MYO18A: variants seen among roughly 807,000 people sequenced by gnomAD.
MYO18A encodes unconventional myosin-XVIIIa.
A neutral mutation model predicts 235.8 loss-of-function variants in MYO18A; 78 were observed. The ratio of observed to expected loss-of-function variants is 0.33; its 90% CI spans 0.28 to 0.40. The LOEUF (loss-of-function observed/expected upper bound fraction) is 0.40, where lower values mean the gene tolerates loss of function less well. Ranked by LOEUF, MYO18A falls within the 10% of genes least tolerant of loss-of-function variation. The probability of loss-of-function intolerance (pLI) is 1.00; values close to 1 mark genes in which losing one functional copy is unlikely to be tolerated. For synonymous variants in MYO18A, 977 were observed against 1,077.8 expected (o/e 0.91, Z 1.83); for missense variants, 2,215 against 2,699.3 (o/e 0.82, Z 3.98).
intron 2 of MYO18A, among the ~76,000 whole-genome samples, chr17:29,127,184 A>G (rs2067342227): frequency 6.6e-6 from 1 of 152,178 alleles, no homozygotes; most frequent in African/African-American, 2.4e-5. Flanking sequence ...CCCCCCAAAC[A>G]AAATATTTTT....
Position 29,111,398 on chromosome 17 carries a change from A to C in MYO18A, c.2900+26T>G. ...ATCAAAACAGTCCTGGGTACAGAACAGGGGCGGAGGGAGTGGTGGTCTTAC... is the reference window on the plus strand; with the variant it reads ...ATCAAAACAGTCCTGGGTACAGAACCGGGGCGGAGGGAGTGGTGGTCTTAC... On this transcript the variant is annotated intron_variant, in intron 17 of 41. Coordinates refer to ENST00000527372, the MANE Select transcript of MYO18A (RefSeq NM_078471.4). The surrounding 1 kb of genome is among the most constrained non-coding windows in gnomAD (Gnocchi z 5.1). 1 of 1,608,150 alleles carries C rather than the reference A, an allele frequency of 6.2e-7. No homozygotes were observed. Among genetic ancestry groups the C allele is most frequent in the South Asian group, 1.1e-5 (1 of 89,776 alleles).
chr17:29,114,078 A>C lies in MYO18A; in HGVS notation c.2531T>G (p.Phe844Cys). The C allele has an allele frequency of 1.2e-6, 2 of 1,600,282 alleles. No homozygotes were observed. Among genetic ancestry groups the C allele is most frequent in the Non-Finnish European group, 1.7e-6 (2 of 1,173,758 alleles). The change falls in exon 15 of 42, where the codon TTT (phenylalanine) becomes TGT (cysteine). Residue 844 changes from phenylalanine to cysteine, a missense_variant. Phe to Cys is a radical substitution (Grantham distance 205). Coordinates refer to ENST00000527372, the MANE Select transcript of MYO18A (RefSeq NM_078471.4). ...ATCCGTCGGGGGTTCCAAGTCGTCA[A>C]ACGCCAGCTCGATGTTCTCCTGGGA... ...RYKEENIELA[F>C]DDLEPPTDDS...
chr17:29,113,460 C>T lies in MYO18A; in HGVS notation c.2598+551G>A, dbSNP rs114695978. On this transcript the variant is annotated intron_variant, in intron 15 of 41. Transcript: ENST00000527372. ...TAGCACAAAGGGTGACAAAGCCTGCCCCCAAAGTTGAGGGGTGAGGGTTCA... is the reference window on the plus strand; with the variant it reads ...TAGCACAAAGGGTGACAAAGCCTGCTCCCAAAGTTGAGGGGTGAGGGTTCA... 2.1e-3 allele frequency among the ~76,000 whole-genome samples: 326 copies of T among 152,318 alleles called. 1 individual carries two copies. The highest frequency in any genetic ancestry group is 7.2e-3 in the African/African-American group (298 of 41,560).
chr17:29,093,849 G>A, intron 31 of MYO18A, 131 bp downstream of exon 31: 1 of 671,062 alleles, frequency 1.5e-6, no homozygotes, highest in South Asian at 1.8e-5. Flanking sequence ...AGGATCCCGA[G>A]AGGCGCTTCC....
intron 33 of MYO18A, among the ~76,000 whole-genome samples, 182 bp downstream of exon 33, chr17:29,092,673 C>T (rs895236890): frequency 6.6e-6 from 1 of 152,126 alleles, no homozygotes; most frequent in African/African-American, 2.4e-5. Context: ...CCAGGCTGGG[C>T]GGTGAGACAG....
chr17:29,115,958 C>T, intron 11 of MYO18A, 118 bp from the exon 12 acceptor site: 1 of 1,137,578 alleles, frequency 8.8e-7, no homozygotes, highest in Non-Finnish European at 1.2e-6. Context: ...CCTGATGACA[C>T]CCGATGGGCT....
chr17:29,137,954 A>G (rs2067644062), intron 2 of MYO18A, among the ~76,000 whole-genome samples: 1 of 152,198 alleles, frequency 6.6e-6, no homozygotes. Context: ...GATAATAGCT[A>G]GAAGCATTTG....
chr17:29,098,321 C>G, intron 24 of MYO18A, 35 bp downstream of exon 24: 1 of 1,613,138 alleles, frequency 6.2e-7, no homozygotes, highest in South Asian at 1.1e-5. Context: ...TCCCTGCAGC[C>G]ATGCCCAGTC....
intron 1 of MYO18A, among the ~76,000 whole-genome samples, chr17:29,175,725 A>G (rs970443617): frequency 3.3e-5 from 5 of 152,056 alleles, no homozygotes; most frequent in African/African-American, 4.8e-5. Flanking sequence ...ATATTAAACT[A>G]TAAACATATA....
Position 29,166,962 on chromosome 17 carries a change from G to A in MYO18A, c.-22C>T, listed in dbSNP as rs996932589. On this transcript the variant is annotated 5_prime_UTR_variant, in exon 2 of 42. Transcript: ENST00000527372. ...ACATGGTGGGGGTGCTGTTTGTAGGGGTAGCACCCCCAGAGGATTATGAGT... is the reference window on the plus strand; with the variant it reads ...ACATGGTGGGGGTGCTGTTTGTAGGAGTAGCACCCCCAGAGGATTATGAGT... 2.0e-6 allele frequency: 3 copies of A among 1,511,544 alleles called. No homozygotes were observed. The highest frequency in any genetic ancestry group is 2.7e-6 in the Non-Finnish European group (3 of 1,125,392). 93.6% of individuals were successfully genotyped at this position (1,511,544 alleles called of 1,614,324 possible).
chr17:29,134,542 G>A (rs940396940), intron 2 of MYO18A, among the ~76,000 whole-genome samples: 11 of 151,922 alleles, frequency 7.2e-5, no homozygotes, highest in African/African-American at 2.7e-4. Context: ...TATTTATTGA[G>A]TCGGAGTTTC....
chr17:29,073,992 G>A lies in MYO18A; in HGVS notation c.*778C>T, dbSNP rs115111915. The A allele has an allele frequency of 8.5e-3, 13,663 of 1,613,804 alleles. 68 individuals carry two copies. Among genetic ancestry groups the A allele is most frequent in the Non-Finnish European group, 0.01 (12,244 of 1,179,936 alleles). ...TTAAATAGGTCATTGCACATAACACGCTGAGACAAAGAGGGTGGGGTGGGG... is the reference window on the plus strand; with the variant it reads ...TTAAATAGGTCATTGCACATAACACACTGAGACAAAGAGGGTGGGGTGGGG... On this transcript the variant is annotated 3_prime_UTR_variant, in exon 42 of 42. Transcript: ENST00000527372.
At chr17:29,161,092 C>T (rs977825519) in intron 2 of MYO18A, among the ~76,000 whole-genome samples, 14 of 152,126 alleles carry the variant, frequency 9.2e-5, no homozygotes, top group South Asian at 2.1e-4. Flanking sequence ...TGGTGGCTCA[C>T]GCCTATAATC....
At position 29,106,968 on chromosome 17, in the gene MYO18A, T is replaced by G; in HGVS notation, c.3441+112A>C. On this transcript the variant is annotated intron_variant, in intron 20 of 41. Coordinates refer to ENST00000527372, the MANE Select transcript of MYO18A (RefSeq NM_078471.4). The surrounding 1 kb of genome is among the most constrained non-coding windows in gnomAD (Gnocchi z 4.6). ...CTGGGTGCTTCCAAAACTGGGAGCC[T>G]GAGCAGGGCCAGATGAGCTGTCTCC... 1 of 1,062,244 alleles carries G rather than the reference T, an allele frequency of 9.4e-7. No homozygotes were observed. The highest frequency in any genetic ancestry group is 1.4e-6 in the Non-Finnish European group (1 of 704,692). The allele number at this position is 1,062,244 out of a possible 1,614,324, so 65.8% of individuals were successfully genotyped here.
At position 29,140,032 on chromosome 17, in the gene MYO18A, C is replaced by G. The variant is rs1443649581; in HGVS notation, c.1000-17779G>C. ...GTTGGTGGGGAAGGCGTGTCACAGC[C>G]TTGGGGGTGGATGCAACCCCAGGAA... On this transcript the variant is annotated intron_variant, in intron 2 of 41. Transcript: ENST00000527372. The surrounding 1 kb of genome is among the most constrained non-coding windows in gnomAD (Gnocchi z 4.2). Among the ~76,000 whole-genome samples, 4 of 152,168 alleles carry G rather than the reference C, an allele frequency of 2.6e-5. No individual in the cohort carries two copies. The East Asian group carries it at 7.7e-4, about 29-fold the overall frequency.
intron 26 of MYO18A, 43 bp downstream of exon 26, chr17:29,097,745 C>T (rs200321639): frequency 2.1e-4 from 327 of 1,549,930 alleles, no homozygotes; most frequent in Admixed American, 9.2e-4. Flanking sequence ...CATCAGGGCT[C>T]GCATTGCGGG....
chr17:29,157,373 G>C (rs1211253747), intron 2 of MYO18A, among the ~76,000 whole-genome samples: 1 of 152,158 alleles, frequency 6.6e-6, no homozygotes, highest in African/African-American at 2.4e-5. Flanking sequence ...CATCACTCCT[G>C]GTTTCCTTCT....
At chr17:29,096,995 T>A (rs2066534944) in intron 27 of MYO18A, 80 bp from the exon 28 acceptor site, 3 of 1,452,466 alleles carry the variant, frequency 2.1e-6, no homozygotes, top group Non-Finnish European at 9.1e-7. Flanking sequence ...AGTGGGTGAG[T>A]GAGGGGAAGA....
At chr17:29,097,397 C>T (rs1014954111) in intron 26 of MYO18A, 47 bp from the exon 27 acceptor site, 2 of 1,598,002 alleles carry the variant, frequency 1.3e-6, no homozygotes, top group East Asian at 4.5e-5. Context: ...CTGAGAGTCC[C>T]CAGAAGGGGC....
Sources: allele counts gnomAD v4.1 joint callset (sites outside exome capture counted in the v4.1 genomes callset), GRCh38; gene constraint gnomAD v4.1.1; non-coding constraint Gnocchi (gnomAD v3.1); transcripts MANE v1.5; gene names NCBI Gene and HGNC (gene_info 2026-07-23, HGNC 2026-07-21).